The following LHFPL6 variants were observed in gnomAD, a reference collection of about 807,000 sequenced individuals.
LHFPL6 encodes the protein LHFPL tetraspan subfamily member 6 protein.
LHFPL6 carries 9 observed loss-of-function variants against 20.6 expected under a neutral mutation model. That is an observed-to-expected ratio of 0.44 (90% CI 0.26 to 0.76). LHFPL6 has a LOEUF of 0.76. Among genes scored for constraint, LHFPL6 ranks in the 30% least tolerant of loss-of-function variants. LHFPL6 has a pLI of 0.20. For missense variants in LHFPL6, 218 were observed against 253.5 expected, an observed-to-expected ratio of 0.86 and a Z score of 0.95; for synonymous variants, 105 against 98.7, an observed-to-expected ratio of 1.06 and a Z score of -0.38.
At chr13:39,430,775 C>CACCAATCAGCACTCTGTAAAAATGG (rs1394714633) in intron 2 of LHFPL6, among the ~76,000 whole-genome samples, 7 of 152,156 alleles carry the variant, frequency 4.6e-5, no homozygotes, top group Non-Finnish European at 1.0e-4. Context: ...TTTGTAAATG[C>CACCAATCAGCACTCTGTAAAAATGG]ACCAATCAGC....
intron 2 of LHFPL6, among the ~76,000 whole-genome samples, chr13:39,480,738 A>G (rs1490029621): frequency 1.3e-5 from 2 of 152,192 alleles, no homozygotes; most frequent in South Asian, 2.1e-4. Flanking sequence ...TTATTATACC[A>G]TAATTTTTAC....
At chr13:39,492,635 T>C (rs1409962713) in intron 2 of LHFPL6, among the ~76,000 whole-genome samples, 1 of 152,164 alleles carries the variant, frequency 6.6e-6, no homozygotes, top group African/African-American at 2.4e-5. Flanking sequence ...TTTTATATTA[T>C]AAGCAATGTC....
intron 3 of LHFPL6, among the ~76,000 whole-genome samples, chr13:39,346,861 C>T (rs1003284945): frequency 1.3e-5 from 2 of 151,962 alleles, no homozygotes; most frequent in Non-Finnish European, 2.9e-5. Context: ...CCCATCTCTA[C>T]TAAAAATACA....
At chr13:39,482,592 A>G (rs943864353) in intron 2 of LHFPL6, among the ~76,000 whole-genome samples, 1 of 151,978 alleles carries the variant, frequency 6.6e-6, no homozygotes, top group Admixed American at 6.5e-5. Context: ...AGAAATAATC[A>G]ATCGTGTCAA....
intron 2 of LHFPL6, among the ~76,000 whole-genome samples, chr13:39,550,316 A>G (rs559147036): frequency 2.0e-5 from 3 of 152,208 alleles, no homozygotes; most frequent in South Asian, 4.1e-4. Flanking sequence ...GATCCATGTT[A>G]TATCTTGGTT....
chr13:39,553,401 T>C (rs1200952446), intron 2 of LHFPL6, among the ~76,000 whole-genome samples: 1 of 152,170 alleles, frequency 6.6e-6, no homozygotes, highest in Non-Finnish European at 1.5e-5. Flanking sequence ...TATGTCAGTC[T>C]TGAGACTGGA....
intron 2 of LHFPL6, among the ~76,000 whole-genome samples, chr13:39,506,500 G>T (rs554680192): frequency 6.6e-6 from 1 of 152,316 alleles, no homozygotes; most frequent in African/African-American, 2.4e-5. Flanking sequence ...GCCAGGCTAG[G>T]ATGATGATCC....
intron 1 of LHFPL6, among the ~76,000 whole-genome samples, chr13:39,602,483 G>A (rs569384513): frequency 3.3e-5 from 5 of 152,292 alleles, no homozygotes; most frequent in African/African-American, 9.6e-5. Flanking sequence ...GGGCCACGAG[G>A]CTGGGGAAGA....
At chr13:39,399,322 G>A (rs960365274) in intron 2 of LHFPL6, among the ~76,000 whole-genome samples, 1 of 152,090 alleles carries the variant, frequency 6.6e-6, no homozygotes, top group African/African-American at 2.4e-5. Flanking sequence ...TGTTTAAAAT[G>A]GTCTGAAGAA....
intron 2 of LHFPL6, among the ~76,000 whole-genome samples, chr13:39,471,535 G>A (rs139718568): frequency 1.4e-4 from 22 of 152,270 alleles, no homozygotes; most frequent in Middle Eastern, 3.4e-3. Context: ...AGTGGTTGCC[G>A]TTAGGTCCCA....
chr13:39,576,271 C>T (rs1451085286), intron 2 of LHFPL6, among the ~76,000 whole-genome samples: 1 of 152,144 alleles, frequency 6.6e-6, no homozygotes, highest in African/African-American at 2.4e-5. Flanking sequence ...AGTAAAAATA[C>T]TGGGGCCATG....
intron 2 of LHFPL6, among the ~76,000 whole-genome samples, chr13:39,524,913 T>C (rs1870240086): frequency 6.6e-6 from 1 of 152,200 alleles, no homozygotes; most frequent in African/African-American, 2.4e-5. Context: ...ATGATGAGAA[T>C]ATAAAATCAG....
intron 3 of LHFPL6, among the ~76,000 whole-genome samples, chr13:39,375,845 G>A (rs1020333511): frequency 4.0e-5 from 6 of 151,896 alleles, no homozygotes; most frequent in African/African-American, 1.2e-4. Context: ...AAAAACTTAT[G>A]CAGTGGACCT....
At chr13:39,564,225 C>A (rs1327683062) in intron 2 of LHFPL6, among the ~76,000 whole-genome samples, 1 of 152,136 alleles carries the variant, frequency 6.6e-6, no homozygotes, top group Admixed American at 6.5e-5. Context: ...AATATAGCAC[C>A]TAACACACAA....
At chr13:39,590,765 G>A (rs1448682590) in intron 2 of LHFPL6, among the ~76,000 whole-genome samples, 1 of 152,270 alleles carries the variant, frequency 6.6e-6, no homozygotes, top group South Asian at 2.1e-4. Context: ...TGGTTTTTGA[G>A]TTCTTTCTAT....
chr13:39,471,754 A>G (rs1270956602), intron 2 of LHFPL6, among the ~76,000 whole-genome samples: 1 of 152,250 alleles, frequency 6.6e-6, no homozygotes, highest in Non-Finnish European at 1.5e-5. Context: ...AGAGAAATTA[A>G]CCAAGGAACT....
intron 3 of LHFPL6, among the ~76,000 whole-genome samples, chr13:39,347,623 G>A (rs1489567650): frequency 6.6e-6 from 1 of 152,122 alleles, no homozygotes; most frequent in African/African-American, 2.4e-5. Context: ...AATACAGATA[G>A]AATAAGCATT....
chr13:39,553,858 C>T (rs1210144966), intron 2 of LHFPL6, among the ~76,000 whole-genome samples: 9 of 152,344 alleles, frequency 5.9e-5, no homozygotes, highest in Middle Eastern at 3.4e-3. Flanking sequence ...AACCAGCCAG[C>T]CACCTGCCAA....
In LHFPL6 at chr13:39,598,107, G is replaced by A. The variant is rs375161103; in HGVS notation, c.385+2725C>T. Among the ~76,000 whole-genome samples the A allele has an allele frequency of 2.0e-5, 3 of 152,240 alleles. No homozygotes were observed. In the East Asian group the frequency reaches 5.8e-4, roughly 29 times the overall value. ...CCTGTATGTTGATTACATTTCTGAA[G>A]CATGGCAGTCTATGAGATTCATAGA... is the stretch of plus-strand genomic sequence containing the variant. On this transcript the variant is annotated intron_variant, in intron 2 of 3. Coordinates refer to ENST00000379589, the MANE Select transcript of LHFPL6 (RefSeq NM_005780.3).
Sources: allele counts gnomAD v4.1 joint callset (sites outside exome capture counted in the v4.1 genomes callset), GRCh38; gene constraint gnomAD v4.1.1; transcripts MANE v1.5; gene names NCBI Gene and HGNC (gene_info 2026-07-23, HGNC 2026-07-21).